RICTOR: variants seen among roughly 807,000 people sequenced by gnomAD.
The protein encoded by RICTOR is rapamycin-insensitive companion of mTOR.
A neutral mutation model predicts 214.9 loss-of-function variants in RICTOR; 49 were observed. The observed-to-expected ratio is 0.23, with a 90% CI of 0.18 to 0.29. RICTOR has a LOEUF of 0.29. RICTOR is among the 10% of genes least tolerant of loss of function. RICTOR has a pLI of 1.00. For missense variants in RICTOR, 1,625 were observed against 2,047.0 expected (o/e 0.79, Z 3.98); for synonymous variants, 717 against 711.3 (o/e 1.01, Z -0.13).
chr5:38,954,395 T>C (rs1233998353), intron 27 of RICTOR, among the ~76,000 whole-genome samples: 5 of 151,816 alleles, frequency 3.3e-5, no homozygotes, highest in African/African-American at 9.7e-5. Flanking sequence ...TAACTTAATC[T>C]GTATTAGGTT....
At chr5:39,049,210 G>A (rs1757688095) in intron 2 of RICTOR, among the ~76,000 whole-genome samples, 1 of 151,530 alleles carries the variant, frequency 6.6e-6, no homozygotes, top group African/African-American at 2.4e-5. Flanking sequence ...CTTAGCCTGG[G>A]TAACCTAACA....
chr5:38,991,171 C>G (rs1249432303), intron 6 of RICTOR, 96 bp from the exon 7 acceptor site: 22 of 660,774 alleles, frequency 3.3e-5, no homozygotes, highest in East Asian at 3.1e-4. Flanking sequence ...AGAATAAGAT[C>G]CAGAATAAGA....
chr5:39,049,471 G>A (rs539913821), intron 2 of RICTOR, among the ~76,000 whole-genome samples: 1 of 152,086 alleles, frequency 6.6e-6, no homozygotes, highest in Admixed American at 6.5e-5. Context: ...CACAACTATG[G>A]CACCAAAGCA....
intron 2 of RICTOR, among the ~76,000 whole-genome samples, chr5:39,028,639 C>T (rs532931323): frequency 3.3e-5 from 5 of 152,278 alleles, no homozygotes; most frequent in African/African-American, 9.6e-5. Context: ...TTATAGCAGC[C>T]TTATTCATAA....
intron 7 of RICTOR, among the ~76,000 whole-genome samples, chr5:38,985,961 T>G (rs1752138107): frequency 6.6e-6 from 1 of 152,126 alleles, no homozygotes; most frequent in Non-Finnish European, 1.5e-5. Flanking sequence ...CCTCCCAAAG[T>G]GCTGGGATTA....
chr5:39,015,559 T>C (rs1003241210), intron 3 of RICTOR, among the ~76,000 whole-genome samples: 3 of 151,860 alleles, frequency 2.0e-5, no homozygotes, highest in Admixed American at 1.3e-4. Flanking sequence ...TGGCATCTAG[T>C]AGGTAGAGGC....
intron 9 of RICTOR, among the ~76,000 whole-genome samples, chr5:38,976,091 GCTA>G (rs1368343485): frequency 1.3e-5 from 2 of 152,110 alleles, no homozygotes; most frequent in African/African-American, 4.8e-5. Flanking sequence ...AACATCACCA[GCTA>G]CTTTCTTCCT....
chr5:38,967,391 T>A lies in RICTOR; in HGVS notation c.1097A>T (p.Asp366Val), dbSNP rs546758534. ...GRFQDSWRLS[D>V]GFVAAEAKTI... ...TTTTGCCTCAGCTGCCACAAAGCCA[T>A]CTGAAAGCCTCCAACTGTCTTGGAA... Residue 366 changes from aspartate (D) to valine (V), a missense_variant, in exon 13 of 38, where the codon GAT becomes GTT. Asp to Val is a radical substitution (Grantham distance 152). Coordinates refer to ENST00000357387, the MANE Select transcript of RICTOR (RefSeq NM_152756.5). 1.2e-6 allele frequency: 2 copies of A among 1,613,906 alleles called. No homozygotes were observed. The highest frequency in any genetic ancestry group is 4.5e-5 in the East Asian group (2 of 44,864).
chr5:38,990,605 T>TCA lies in RICTOR; in HGVS notation c.583+343_583+344insTG, dbSNP rs1390350852. On this transcript the variant is annotated intron_variant, in intron 7 of 37. Coordinates refer to ENST00000357387, the MANE Select transcript of RICTOR (RefSeq NM_152756.5). The stretch of plus-strand genomic sequence containing the variant: ...ATATACATGATATATACGATATATA[T>TCA]GATATATATACGATATATGATATAT... Among the ~76,000 whole-genome samples, 16 of 112,738 alleles carry TCA rather than the reference T, an allele frequency of 1.4e-4. 1 individual carries two copies. Among genetic ancestry groups the TCA allele is most frequent in the African/African-American group, 5.8e-4 (16 of 27,780 alleles). The allele number at this position is 112,738 out of a possible 152,430, so 74.0% of individuals were successfully genotyped here.
chr5:38,951,495 C>T (rs540046924), intron 30 of RICTOR, among the ~76,000 whole-genome samples: 34 of 151,972 alleles, frequency 2.2e-4, no homozygotes, highest in Admixed American at 5.3e-4. Context: ...ATTCTAAAAT[C>T]AATATGCATC....
intron 2 of RICTOR, among the ~76,000 whole-genome samples, chr5:39,062,608 TA>T (rs1032058506): frequency 6.6e-6 from 1 of 152,146 alleles, no homozygotes; most frequent in African/African-American, 2.4e-5. Flanking sequence ...AAACTACTGA[TA>T]AAAATATGTA....
In RICTOR at chr5:38,950,341, A is replaced by G. The variant is rs1313685764; in HGVS notation, c.3507T>C (p.Ile1169=). ...TGCTTGGTGTACTACCAGTGTCTTC[A>G]ATGTGCTTATTCCCCATAAATGAAG... The part of the protein sequence containing the change: ...LETSFMGNKH[I]EDTGSTPSIG... The change falls in exon 31 of 38, where the codon ATT becomes ATC. Residue 1169 remains isoleucine (I), a synonymous_variant. Coordinates refer to ENST00000357387, the MANE Select transcript of RICTOR (RefSeq NM_152756.5). The G allele has an allele frequency of 6.2e-7, 1 of 1,613,260 alleles. No homozygotes were observed. Among genetic ancestry groups the G allele is most frequent in the Non-Finnish European group, 8.5e-7 (1 of 1,179,586 alleles).
rs565800609 is a variant in RICTOR, at chr5:39,027,296, T to G, written c.98-6160A>C. On this transcript the variant is annotated intron_variant, in intron 2 of 37. Coordinates refer to ENST00000357387, the MANE Select transcript of RICTOR (RefSeq NM_152756.5). ...AAAATATTTTCAGAGAAGTTAATTTTAGGTGGTAAAAATTACTGATGATTT... is the reference window on the plus strand; with the variant it reads ...AAAATATTTTCAGAGAAGTTAATTTGAGGTGGTAAAAATTACTGATGATTT... 2.6e-5 allele frequency among the ~76,000 whole-genome samples: 4 copies of G among 152,164 alleles called. No individual in the cohort carries two copies. In the South Asian group the frequency reaches 8.3e-4, roughly 31 times the overall value.
chr5:39,071,550 T>C (rs574391670), intron 2 of RICTOR, among the ~76,000 whole-genome samples: 1 of 152,338 alleles, frequency 6.6e-6, no homozygotes, highest in African/African-American at 2.4e-5. Context: ...ACTTTTCACA[T>C]TCTTAACCCT....
At chr5:38,957,241 T>C (rs1749334996) in intron 25 of RICTOR, among the ~76,000 whole-genome samples, 1 of 152,180 alleles carries the variant, frequency 6.6e-6, no homozygotes, top group Non-Finnish European at 1.5e-5. Context: ...TTTAACTAAA[T>C]GATTATATCT....
At chr5:38,959,381 A>G in intron 21 of RICTOR, 60 bp from the exon 22 acceptor site, 1 of 957,032 alleles carries the variant, frequency 1.0e-6, no homozygotes. Context: ...TACATTAATT[A>G]AACAAATATT....
At chr5:38,962,464 C>T (rs368216578) in intron 18 of RICTOR, 21 bp downstream of exon 18, 7 of 1,303,878 alleles carry the variant, frequency 5.4e-6, no homozygotes, top group Admixed American at 2.0e-5. Context: ...CAAGCCATTA[C>T]CATGAAGTAT....
chr5:38,956,669 C>G (rs1749289329), intron 25 of RICTOR, among the ~76,000 whole-genome samples: 2 of 152,190 alleles, frequency 1.3e-5, no homozygotes, highest in Admixed American at 6.5e-5. Flanking sequence ...TCCCTTATAC[C>G]TTGCATGTAA....
chr5:38,989,291 G>A (rs2150074733), intron 7 of RICTOR, among the ~76,000 whole-genome samples: 1 of 152,328 alleles, frequency 6.6e-6, no homozygotes, highest in East Asian at 1.9e-4. Flanking sequence ...AATAAATGGT[G>A]TTAGGAAAAC....
Sources: gnomAD v4.1 joint callset for allele counts (sites outside exome capture counted in the v4.1 genomes callset) on GRCh38, gnomAD v4.1.1 for gene constraint, MANE v1.5 for transcripts, NCBI Gene and HGNC (gene_info 2026-07-23, HGNC 2026-07-21) for gene names.